The following SLC3A2 variants were observed in gnomAD, a reference collection of about 807,000 sequenced individuals.
SLC3A2 encodes the protein amino acid transporter heavy chain SLC3A2.
A neutral mutation model predicts 48.5 loss-of-function variants in SLC3A2; 32 were observed. That is an observed-to-expected ratio of 0.66 (90% confidence interval 0.50 to 0.89). The LOEUF (loss-of-function observed/expected upper bound fraction) is 0.89. SLC3A2 is among the 40% of genes least tolerant of loss of function. The pLI, the probability that SLC3A2 is intolerant of heterozygous loss-of-function variation, is 0.00. For synonymous variants in SLC3A2, 277 were observed against 288.8 expected (o/e 0.96, Z 0.41); for missense variants, 587 against 680.7 (o/e 0.86, Z 1.53).
intron 1 of SLC3A2, among the ~76,000 whole-genome samples, chr11:62,865,958 C>T (rs557518060): frequency 6.6e-6 from 1 of 152,246 alleles, no homozygotes; most frequent in South Asian, 2.1e-4. Flanking sequence ...GAAGCCACCA[C>T]TGAATTTCTA....
chr11:62,868,629 T>G (rs1206195813), intron 1 of SLC3A2, among the ~76,000 whole-genome samples: 1 of 152,104 alleles, frequency 6.6e-6, no homozygotes, highest in Admixed American at 6.6e-5. Context: ...CCTCCCAAAG[T>G]GCTGGGATTA....
At chr11:62,863,685 A>G (rs1255810356) in intron 1 of SLC3A2, among the ~76,000 whole-genome samples, 7 of 152,210 alleles carry the variant, frequency 4.6e-5, no homozygotes, top group Non-Finnish European at 7.3e-5. Flanking sequence ...CCATCTTTAT[A>G]TCTGACTAAA....
At chr11:62,864,627 T>C (rs1376272940) in intron 1 of SLC3A2, among the ~76,000 whole-genome samples, 2 of 149,702 alleles carry the variant, frequency 1.3e-5, no homozygotes, top group East Asian at 4.0e-4. Flanking sequence ...CCACCAAGTC[T>C]GGCTAATTTT....
intron 3 of SLC3A2, 82 bp downstream of exon 3, chr11:62,883,081 C>T: frequency 7.7e-7 from 1 of 1,303,362 alleles, no homozygotes; most frequent in South Asian, 1.2e-5. Flanking sequence ...GTAGACCCAG[C>T]CTGACTCCAG....
upstream of SLC3A2, chr11:62,880,848 G>T: frequency 1.5e-6 from 2 of 1,364,826 alleles, no homozygotes; most frequent in African/African-American, 2.9e-5. Context: ...GGGCGGGCCG[G>T]GGCGGGGCTC....
intron 1 of SLC3A2, among the ~76,000 whole-genome samples, chr11:62,864,359 GC>G (rs2085430688): frequency 6.6e-6 from 1 of 151,904 alleles, no homozygotes; most frequent in South Asian, 2.1e-4. Flanking sequence ...TGCCATCTGG[GC>G]TCACTGCAAC....
rs1030555481 is a variant in SLC3A2, at chr11:62,885,499, C to G, written c.1034C>G (p.Pro345Arg). ...SQARLLTSFL[P>R]AQLLRLYQLM... ...GCAAGGCTCCTGACTTCCTTCTTGCCGGCTCAACTTCTCCGACTCTACCAG... is the reference window on the plus strand; with the variant it reads ...GCAAGGCTCCTGACTTCCTTCTTGCGGGCTCAACTTCTCCGACTCTACCAG... Residue 345 changes from proline to arginine, a missense_variant, in exon 7 of 9, where the codon CCG becomes CGG. Coordinates refer to ENST00000338663, the MANE Select transcript of SLC3A2 (RefSeq NM_001013251.3). The G allele has an allele frequency of 2.5e-6, 4 of 1,614,042 alleles. No individual in the cohort carries two copies. Among genetic ancestry groups the G allele is most frequent in the African/African-American group, 2.7e-5 (2 of 74,902 alleles).
At position 62,867,331 on chromosome 11, in the gene SLC3A2, T is replaced by C. The variant is rs1383919348; in HGVS notation, c.112+10950T>C. Among the ~76,000 whole-genome samples the C allele has an allele frequency of 1.0e-4, 12 of 119,160 alleles. No homozygotes were observed. The East Asian group carries it at 2.9e-3, about 28-fold the overall frequency. 78.2% of individuals were successfully genotyped at this position (119,160 alleles called of 152,430 possible). A position where few individuals can be genotyped will look rare whatever the true frequency, so the allele number is the denominator to read the frequency against. On this transcript the variant is annotated intron_variant, in intron 1 of 9. Transcript: ENST00000377889. ...CTTTCTCTTTTCTTTTCTTTTTTTT[T>C]TTTTTTTTTTTTTGATACAGAGTCT...
At chr11:62,867,546 G>A (rs1297615444) in intron 1 of SLC3A2, among the ~76,000 whole-genome samples, 1 of 149,518 alleles carries the variant, frequency 6.7e-6, no homozygotes, top group African/African-American at 2.5e-5. Flanking sequence ...GGATGGTCTC[G>A]ATCCCCTGAC....
intron 1 of SLC3A2, among the ~76,000 whole-genome samples, chr11:62,861,194 G>A (rs760519998): frequency 6.7e-6 from 1 of 149,548 alleles, no homozygotes; most frequent in Non-Finnish European, 1.5e-5. Context: ...AATTAGCTGC[G>A]TGTGGTGGTG....
intron 1 of SLC3A2, among the ~76,000 whole-genome samples, chr11:62,862,925 G>C (rs527906975): frequency 3.3e-5 from 5 of 152,248 alleles, no homozygotes; most frequent in South Asian, 2.1e-4. Flanking sequence ...TGGAGAAAAG[G>C]CTCAAATTCT....
At position 62,882,978 on chromosome 11, in the gene SLC3A2, C is replaced by T; in HGVS notation, c.669C>T (p.Asp223=). ...ACTCGTGGTTCTCCACTCAGGTTGA[C>T]ACTGTGGCCACCAAGGTGAAGGTGA... ...GENSWFSTQV[D]TVATKVKDAL... The change falls in exon 3 of 9, where the codon GAC becomes GAT. Residue 223 remains aspartate (D), a synonymous_variant. Transcript: ENST00000338663. The T allele has an allele frequency of 6.2e-7, 1 of 1,614,220 alleles. No individual in the cohort carries two copies. Among genetic ancestry groups the T allele is most frequent in the Non-Finnish European group, 8.5e-7 (1 of 1,180,024 alleles).
chr11:62,864,830 G>A (rs1468040601), intron 1 of SLC3A2, among the ~76,000 whole-genome samples: 4 of 151,472 alleles, frequency 2.6e-5, no homozygotes, highest in African/African-American at 9.7e-5. Flanking sequence ...GTGCAGTGGT[G>A]CAATCTCGGC....
intron 1 of SLC3A2, among the ~76,000 whole-genome samples, chr11:62,868,617 G>A (rs916698711): frequency 1.3e-5 from 2 of 151,764 alleles, no homozygotes; most frequent in Admixed American, 1.3e-4. Context: ...TGCCCGCCTC[G>A]GCCTCCCAAA....
At chr11:62,879,070 G>C (rs770202575), upstream of SLC3A2, among the ~76,000 whole-genome samples, 2 of 151,520 alleles carry the variant, frequency 1.3e-5, no homozygotes, top group African/African-American at 4.9e-5. Flanking sequence ...ACCACACCTG[G>C]CCTGTTAGTT....
Position 62,881,118 on chromosome 11 carries a change from TG to T in SLC3A2, c.96del (p.Met32IlefsTer12), listed in dbSNP as rs2085629508. The T allele has an allele frequency of 5.6e-6, 9 of 1,608,178 alleles. No individual in the cohort carries two copies. Among genetic ancestry groups the T allele is most frequent in the Non-Finnish European group, 7.6e-6 (9 of 1,178,024 alleles). ...QPMNAASGAA[M>X]SLAGAEKNGL... ...ATGAACGCGGCGTCTGGGGCGGCCATGTCCCTGGCGGGAGCCGAGAAGAATG... is the reference window on the plus strand; with the variant it reads ...ATGAACGCGGCGTCTGGGGCGGCCATTCCCTGGCGGGAGCCGAGAAGAATG... On this transcript the variant is annotated frameshift_variant, in exon 1 of 9. Transcript: ENST00000338663. LOFTEE classifies it high-confidence loss of function. The surrounding 1 kb of genome is among the most constrained non-coding windows in gnomAD (Gnocchi z 4.0).
Position 62,885,196 on chromosome 11 carries a change from A to C in SLC3A2, c.838A>C (p.Asn280His), listed in dbSNP as rs751788730. 6.2e-7 allele frequency: 1 copy of C among 1,614,034 alleles called. No individual in the cohort carries two copies. The highest frequency in any genetic ancestry group is 1.1e-5 in the South Asian group (1 of 91,076). Reference protein sequence around the residue: ...SEDRLLIAGTNSSDLQQILSL... With the variant: ...SEDRLLIAGTHSSDLQQILSL... ...CTGCAGGCTCTTGATTGCGGGGACT[A>C]ACTCCTCCGACCTTCAGCAGATCCT... is the stretch of plus-strand genomic sequence containing the variant. Residue 280 changes from asparagine (N) to histidine (H), a missense_variant, in exon 6 of 9, where the codon AAC becomes CAC. This residue lies in a region of SLC3A2 where 409 missense variants were observed against 446.7 expected (regional missense o/e 0.92). Coordinates refer to ENST00000338663, the MANE Select transcript of SLC3A2 (RefSeq NM_001013251.3).
chr11:62,878,015 G>T (rs1022776749), upstream of SLC3A2, among the ~76,000 whole-genome samples: 6 of 152,110 alleles, frequency 3.9e-5, no homozygotes, highest in African/African-American at 1.4e-4. Context: ...AATTAGCCGG[G>T]TGTGGCGGTG....
chr11:62,869,523 CAAAAAAAAAAAAA>C, intron 1 of SLC3A2, among the ~76,000 whole-genome samples: 1 of 53,866 alleles, frequency 1.9e-5, no homozygotes, highest in African/African-American at 8.9e-5. Context: ...GACTCCATCT[CAAAAAAAAAAAAA>C]AAAAAAAAAA....
Sources: allele counts gnomAD v4.1 joint callset (sites outside exome capture counted in the v4.1 genomes callset), GRCh38; gene constraint gnomAD v4.1.1; regional missense constraint gnomAD v4.1.1; non-coding constraint Gnocchi (gnomAD v3.1); transcripts MANE v1.5; gene names NCBI Gene and HGNC (gene_info 2026-07-23, HGNC 2026-07-21).